Variants in RYR2 observed in about 807,000 individuals in gnomAD.
RYR2 encodes cardiac muscle ryanodine receptor-calcium release channel.
A neutral mutation model predicts 601.1 loss-of-function variants in RYR2; 227 were observed. The observed-to-expected ratio is 0.38, with a 90% confidence interval of 0.34 to 0.42. The LOEUF (loss-of-function observed/expected upper bound fraction) is 0.42. Among genes scored for constraint, RYR2 ranks in the 10% least tolerant of loss-of-function variants. The pLI, the probability that RYR2 is intolerant of heterozygous loss-of-function variation, is 1.00. For missense variants in RYR2, 4,646 were observed against 6,156.5 expected, an observed-to-expected ratio of 0.75 and a Z score of 8.21; for synonymous variants, 2,223 against 2,175.1, an observed-to-expected ratio of 1.02 and a Z score of -0.61.
At chr1:237,205,494 A>G (rs1681709644) in intron 1 of RYR2, among the ~76,000 whole-genome samples, 1 of 152,142 alleles carries the variant, frequency 6.6e-6, no homozygotes, top group Non-Finnish European at 1.5e-5. Context: ...TTTGTGGCCA[A>G]GAGACTATGT....
chr1:237,233,696 C>A (rs1456334647), intron 1 of RYR2, among the ~76,000 whole-genome samples: 3 of 152,028 alleles, frequency 2.0e-5, no homozygotes, highest in Non-Finnish European at 4.4e-5. Context: ...GCTCTGTCAC[C>A]CAGGCTGGGG....
chr1:237,656,109 G>T, intron 53 of RYR2, 125 bp downstream of exon 53: 2 of 715,426 alleles, frequency 2.8e-6, no homozygotes, highest in African/African-American at 1.9e-5. Flanking sequence ...CCTTTTAATA[G>T]GGGTCCCTTT....
At chr1:237,235,540 C>T (rs1460426278) in intron 1 of RYR2, among the ~76,000 whole-genome samples, 2 of 152,200 alleles carry the variant, frequency 1.3e-5, no homozygotes, top group Non-Finnish European at 2.9e-5. Flanking sequence ...TTCCTTCTGT[C>T]GTCACTGGCA....
intron 1 of RYR2, among the ~76,000 whole-genome samples, chr1:237,222,362 A>G (rs1683907049): frequency 2.0e-5 from 3 of 151,706 alleles, no homozygotes; most frequent in Non-Finnish European, 2.9e-5. Context: ...GCAGTGAGCC[A>G]ATATCGCACC....
intron 12 of RYR2, among the ~76,000 whole-genome samples, chr1:237,438,048 T>C (rs957501819): frequency 6.6e-6 from 1 of 152,154 alleles, no homozygotes; most frequent in African/African-American, 2.4e-5. Flanking sequence ...AAATTTCTAC[T>C]GATTAACTTT....
At chr1:237,461,408 C>T (rs1373009331) in intron 16 of RYR2, among the ~76,000 whole-genome samples, 1 of 152,124 alleles carries the variant, frequency 6.6e-6, no homozygotes, top group Non-Finnish European at 1.5e-5. Flanking sequence ...CTTGTTTACA[C>T]CCCTCTTTTA....
chr1:237,496,162 G>A (rs1466682461), intron 19 of RYR2, among the ~76,000 whole-genome samples: 1 of 152,198 alleles, frequency 6.6e-6, no homozygotes, highest in Non-Finnish European at 1.5e-5. Flanking sequence ...TCCAGCACTT[G>A]GGAGGTCGAG....
intron 61 of RYR2, among the ~76,000 whole-genome samples, chr1:237,679,261 C>T (rs950787086): frequency 6.6e-6 from 1 of 152,120 alleles, no homozygotes; most frequent in South Asian, 2.1e-4. Context: ...ATACTCAGCA[C>T]CCCCGGTGCA....
chr1:237,138,471 G>C (rs901178588), intron 1 of RYR2, among the ~76,000 whole-genome samples: 2 of 152,060 alleles, frequency 1.3e-5, no homozygotes, highest in African/African-American at 4.8e-5. Flanking sequence ...GCTCAATCTA[G>C]TTTTGTCATT....
rs192762422 is a variant in RYR2, at chr1:237,213,019, A to T, written c.49-57478A>T. Among the ~76,000 whole-genome samples, 1,169 of 152,048 alleles carry T rather than the reference A, an allele frequency of 7.7e-3. 10 individuals are homozygous for T. Among genetic ancestry groups the T allele is most frequent in the Middle Eastern group, 0.034 (10 of 294 alleles). On this transcript the variant is annotated intron_variant, in intron 1 of 104. Transcript: ENST00000366574. ...ATTCCTGACCTCAGGTGATCCACCC[A>T]CCTTGGTCTCTCAAAGTGCTGGGAT...
intron 37 of RYR2, among the ~76,000 whole-genome samples, chr1:237,617,043 A>T (rs1049860824): frequency 2.0e-5 from 3 of 152,124 alleles, no homozygotes; most frequent in African/African-American, 7.2e-5. Flanking sequence ...GTGAGATTTC[A>T]TGGGGAAAGA....
intron 12 of RYR2, among the ~76,000 whole-genome samples, chr1:237,427,031 T>C (rs1228708675): frequency 1.3e-5 from 2 of 152,114 alleles, no homozygotes; most frequent in East Asian, 3.9e-4. Context: ...ACTCAAGTAA[T>C]GGAAGCATAA....
chr1:237,184,506 A>C (rs1010389558), intron 1 of RYR2, among the ~76,000 whole-genome samples: 17 of 152,370 alleles, frequency 1.1e-4, no homozygotes, highest in Admixed American at 6.5e-4. Context: ...TCAGAGACTT[A>C]CGTAACTCAT....
chr1:237,268,614 A>T (rs545696239), intron 1 of RYR2, among the ~76,000 whole-genome samples: 11 of 152,268 alleles, frequency 7.2e-5, no homozygotes, highest in Admixed American at 7.2e-4. Flanking sequence ...AAGCTACGCT[A>T]TTAAATATTG....
At chr1:237,287,681 T>G (rs552801133) in intron 2 of RYR2, among the ~76,000 whole-genome samples, 6 of 152,338 alleles carry the variant, frequency 3.9e-5, no homozygotes, top group Non-Finnish European at 7.3e-5. Context: ...TTCTTTAAGC[T>G]ATCTAATTCC....
At chr1:237,395,491 A>G (rs1011854079) in intron 10 of RYR2, among the ~76,000 whole-genome samples, 6 of 150,484 alleles carry the variant, frequency 4.0e-5, no homozygotes, top group Non-Finnish European at 7.4e-5. Flanking sequence ...ATACACGAAC[A>G]CAACCAAACT....
intron 27 of RYR2, among the ~76,000 whole-genome samples, chr1:237,553,728 A>G (rs1168270623): frequency 1.4e-5 from 2 of 147,890 alleles, no homozygotes; most frequent in Non-Finnish European, 3.0e-5. Flanking sequence ...ATTGCTTTGC[A>G]GTTTTCAGAC....
At chr1:237,826,530 A>G (rs963174835) in intron 101 of RYR2, among the ~76,000 whole-genome samples, 5 of 152,110 alleles carry the variant, frequency 3.3e-5, no homozygotes, top group Non-Finnish European at 5.9e-5. Flanking sequence ...ATTAGGAAAA[A>G]TACCTAATGT....
chr1:237,603,635 A>G (rs1676765750), intron 35 of RYR2, among the ~76,000 whole-genome samples: 2 of 152,200 alleles, frequency 1.3e-5, no homozygotes, highest in Admixed American at 1.3e-4. Context: ...AGACTGGCAA[A>G]TTGGATAAAG....
Sources: gnomAD v4.1 joint callset for allele counts (sites outside exome capture counted in the v4.1 genomes callset) on GRCh38, gnomAD v4.1.1 for gene constraint, MANE v1.5 for transcripts, NCBI Gene and HGNC (gene_info 2026-07-23, HGNC 2026-07-21) for gene names.